The following MRTFA variants were observed in gnomAD, a reference collection of about 807,000 sequenced individuals.
MRTFA encodes the protein myocardin related transcription factor A, also known as myocardin-related transcription factor A.
A neutral mutation model predicts 83.5 loss-of-function variants in MRTFA; 20 were observed. That is an observed-to-expected ratio of 0.24 (90% confidence interval 0.17 to 0.35). The LOEUF (loss-of-function observed/expected upper bound fraction) is 0.35. Among genes scored for constraint, MRTFA ranks in the 10% least tolerant of loss-of-function variants. The pLI is 1.00. For synonymous variants in MRTFA, 659 were observed against 541.2 expected, an observed-to-expected ratio of 1.22 and a Z score of -3.02; for missense variants, 1,200 against 1,224.7, an observed-to-expected ratio of 0.98 and a Z score of 0.30.
chr22:40,410,387 CCCAGAATGTGAAG>C lies in MRTFA; in HGVS notation c.*990_*1002del, dbSNP rs1265729350. ...CCACCCCTACTCCCCTATGAGTCAG[CCCAGAATGTGAAG>C]CCAGTGGCCCCAGGGCAGGAGATGG... is the stretch of plus-strand genomic sequence containing the variant. On this transcript the variant is annotated 3_prime_UTR_variant, in exon 15 of 15. Coordinates refer to ENST00000355630, the MANE Select transcript of MRTFA (RefSeq NM_020831.6). 1 of 240,758 alleles carries C rather than the reference CCCAGAATGTGAAG, an allele frequency of 4.2e-6. No homozygotes were observed. Among genetic ancestry groups the C allele is most frequent in the Admixed American group, 5.6e-5 (1 of 17,760 alleles). The allele number at this position is 240,758 out of a possible 1,614,324, so 14.9% of individuals were successfully genotyped here. A position where few individuals can be genotyped will look rare whatever the true frequency, so the allele number is the denominator to read the frequency against.
chr22:40,448,381 G>A (rs1328224998), intron 4 of MRTFA, among the ~76,000 whole-genome samples: 3 of 152,074 alleles, frequency 2.0e-5, no homozygotes, highest in African/African-American at 7.2e-5. Flanking sequence ...GGCTGAGGTG[G>A]GAGGATCACT....
At chr22:40,610,303 C>T (rs2056372673) in intron 1 of MRTFA, among the ~76,000 whole-genome samples, 1 of 152,154 alleles carries the variant, frequency 6.6e-6, no homozygotes. Flanking sequence ...CAGCCTCGGC[C>T]TCCCAAAATG....
intron 1 of MRTFA, among the ~76,000 whole-genome samples, chr22:40,595,420 C>T (rs553996954): frequency 2.0e-5 from 3 of 152,072 alleles, no homozygotes; most frequent in Admixed American, 1.3e-4. Flanking sequence ...CGCGCCCGGC[C>T]GAGAAATGCC....
At chr22:40,586,915 C>T in intron 2 of MRTFA, 1 of 438,046 alleles carries the variant, frequency 2.3e-6, no homozygotes, top group Non-Finnish European at 4.7e-6. Flanking sequence ...GCTGCTGGTG[C>T]TGGTGCTGGT....
chr22:40,532,671 T>C (rs943020193), intron 3 of MRTFA, among the ~76,000 whole-genome samples: 6 of 152,232 alleles, frequency 3.9e-5, no homozygotes, highest in African/African-American at 1.4e-4. Flanking sequence ...AACTGATGTA[T>C]ATCTGTCTTT....
At chr22:40,419,495 C>T (rs1471094829) in intron 11 of MRTFA, 111 bp from the exon 12 acceptor site, 8 of 923,828 alleles carry the variant, frequency 8.7e-6, no homozygotes, top group African/African-American at 1.7e-5. Context: ...CATCAACTAC[C>T]CTAATCCTCC....
Position 40,418,509 on chromosome 22 carries a change from C to T in MRTFA, c.2229G>A (p.Gly743=), listed in dbSNP as rs774178403. 1.9e-5 allele frequency: 30 copies of T among 1,595,982 alleles called. No homozygotes were observed. The highest frequency in any genetic ancestry group is 2.5e-5 in the Non-Finnish European group (29 of 1,174,636). Residue 743 remains glycine, a synonymous_variant, in exon 12 of 15, where the codon GGG becomes GGA. Coordinates refer to ENST00000355630, the MANE Select transcript of MRTFA (RefSeq NM_020831.6). The stretch of plus-strand genomic sequence containing the variant: ...CCTTGATGAGGCTGGGGCCCTGAGG[C>T]CCCAGAAGCAACTGGGGGGCGGGGA...
chr22:40,605,312 C>T (rs1364689078), intron 1 of MRTFA, among the ~76,000 whole-genome samples: 1 of 152,116 alleles, frequency 6.6e-6, no homozygotes, highest in Non-Finnish European at 1.5e-5. Flanking sequence ...CAAACTTCTC[C>T]AAGTTATAAA....
At position 40,533,418 on chromosome 22, in the gene MRTFA, T is replaced by A. The variant is rs1018003968; in HGVS notation, c.241+18688A>T. 3.9e-5 allele frequency among the ~76,000 whole-genome samples: 6 copies of A among 152,286 alleles called. No individual in the cohort carries two copies. The East Asian group carries it at 1.2e-3, about 29-fold the overall frequency. On this transcript the variant is annotated intron_variant, in intron 3 of 14. Coordinates refer to ENST00000355630, the MANE Select transcript of MRTFA (RefSeq NM_020831.6). ...TTCAAAGCTGTCAGAATAACTAGAATTTGCAATGAGAGAAAAATTAATAAA... is the reference window on the plus strand; with the variant it reads ...TTCAAAGCTGTCAGAATAACTAGAAATTGCAATGAGAGAAAAATTAATAAA...
chr22:40,569,326 G>T (rs2055750652), intron 2 of MRTFA: 2 of 216,532 alleles, frequency 9.2e-6, no homozygotes, highest in South Asian at 9.0e-5. Context: ...AGAACTACAG[G>T]ACTGCCCCTT....
intron 4 of MRTFA, among the ~76,000 whole-genome samples, chr22:40,462,744 G>C (rs2053738213): frequency 6.6e-6 from 1 of 152,172 alleles, no homozygotes; most frequent in African/African-American, 2.4e-5. Context: ...GCCCAGGCCA[G>C]CCTTAGAGTA....
intron 1 of MRTFA, among the ~76,000 whole-genome samples, chr22:40,599,903 TA>T (rs61576273): frequency 0.11 from 13,116 of 123,032 alleles, 713 homozygotes; most frequent in East Asian, 0.27. Context: ...GCTGTGTCTT[TA>T]AAAAAAAAAA....
intron 2 of MRTFA, among the ~76,000 whole-genome samples, chr22:40,573,789 C>G (rs5750966): frequency 0.43 from 64,893 of 151,482 alleles, 14,814 homozygotes; most frequent in East Asian, 0.87. Flanking sequence ...TAAATATTTT[C>G]GCTGGGTGTG....
intron 2 of MRTFA, among the ~76,000 whole-genome samples, chr22:40,590,529 T>C (rs1048701794): frequency 2.0e-5 from 3 of 151,458 alleles, no homozygotes; most frequent in Admixed American, 6.6e-5. Flanking sequence ...TAGTCGGGCA[T>C]AGTGGCACAC....
chr22:40,437,781 C>A (rs1037416727), intron 4 of MRTFA, among the ~76,000 whole-genome samples: 3 of 147,608 alleles, frequency 2.0e-5, no homozygotes, highest in Admixed American at 6.8e-5. Flanking sequence ...AAAAAAAAGG[C>A]GGAATACTAC....
chr22:40,590,439 T>C (rs1380937035), intron 2 of MRTFA, among the ~76,000 whole-genome samples: 3 of 151,134 alleles, frequency 2.0e-5, no homozygotes, highest in Admixed American at 2.0e-4. Context: ...GAGGTCGAGG[T>C]GGGTGGGTCA....
intron 3 of MRTFA, among the ~76,000 whole-genome samples, chr22:40,517,413 T>C (rs1477423373): frequency 6.6e-6 from 1 of 152,006 alleles, no homozygotes; most frequent in Non-Finnish European, 1.5e-5. Flanking sequence ...ACAGCTAACA[T>C]ACAGGGTCCG....
chr22:40,543,893 A>G (rs2055326433), intron 3 of MRTFA, among the ~76,000 whole-genome samples: 1 of 152,254 alleles, frequency 6.6e-6, no homozygotes, highest in Non-Finnish European at 1.5e-5. Context: ...ACTCTTGAAC[A>G]AGAACAAGGT....
chr22:40,474,473 G>C (rs1329693379), intron 3 of MRTFA, among the ~76,000 whole-genome samples: 3 of 152,228 alleles, frequency 2.0e-5, no homozygotes, highest in African/African-American at 7.2e-5. Context: ...AAGGCACACA[G>C]TGTCATTTAC....
Sources: gnomAD v4.1 joint callset for allele counts (sites outside exome capture counted in the v4.1 genomes callset) on GRCh38, gnomAD v4.1.1 for gene constraint, MANE v1.5 for transcripts, NCBI Gene and HGNC (gene_info 2026-07-23, HGNC 2026-07-21) for gene names.